Variants in CNTNAP2 observed in about 807,000 individuals in gnomAD.
The protein encoded by CNTNAP2 is contactin associated protein 2.
A neutral mutation model predicts 155.2 loss-of-function variants in CNTNAP2; 98 were observed. The ratio of observed to expected loss-of-function variants is 0.63; its 90% CI spans 0.54 to 0.75. The LOEUF (loss-of-function observed/expected upper bound fraction) is 0.75. CNTNAP2 is among the 30% of genes least tolerant of loss of function. The pLI is 0.00. For missense variants in CNTNAP2, 1,727 were observed against 1,688.1 expected, an observed-to-expected ratio of 1.02 and a Z score of -0.40; for synonymous variants, 651 against 631.2, an observed-to-expected ratio of 1.03 and a Z score of -0.47.
chr7:148,273,390 A>G (rs1020927401), intron 21 of CNTNAP2, among the ~76,000 whole-genome samples: 2 of 152,232 alleles, frequency 1.3e-5, no homozygotes, highest in Non-Finnish European at 2.9e-5. Context: ...ATGAATTTAG[A>G]AGAATATCAA....
At chr7:146,389,104 A>G (rs1164520040) in intron 1 of CNTNAP2, among the ~76,000 whole-genome samples, 1 of 152,176 alleles carries the variant, frequency 6.6e-6, no homozygotes, top group Non-Finnish European at 1.5e-5. Context: ...TGGTGAAATA[A>G]CAGTGTCTTT....
chr7:146,460,032 A>T lies in CNTNAP2; in HGVS notation c.98-314239A>T, dbSNP rs1207610043. On this transcript the variant is annotated intron_variant, in intron 1 of 23. Transcript: ENST00000361727. ...GCTACTGGATGCTTGTGAGAGGCAG[A>T]ACAGAGGAAGTTTAACAACAAAATG... Among the ~76,000 whole-genome samples, 3 of 152,252 alleles carry T rather than the reference A, an allele frequency of 2.0e-5. No individual in the cohort carries two copies. The East Asian group carries it at 5.8e-4, about 29-fold the overall frequency.
intron 1 of CNTNAP2, among the ~76,000 whole-genome samples, chr7:146,336,896 A>G (rs1801286567): frequency 6.6e-6 from 1 of 152,170 alleles, no homozygotes. Context: ...CAATACAGGG[A>G]TTGGAAACAG....
At chr7:146,168,755 C>T (rs1798348501) in intron 1 of CNTNAP2, among the ~76,000 whole-genome samples, 2 of 152,164 alleles carry the variant, frequency 1.3e-5, no homozygotes, top group African/African-American at 2.4e-5. Flanking sequence ...CAATGGTTTA[C>T]CAGCTTCTAG....
In CNTNAP2 at chr7:147,106,841, G is replaced by A. The variant is rs536488410; in HGVS notation, c.551-1306G>A. On this transcript the variant is annotated intron_variant, in intron 4 of 23. Transcript: ENST00000361727. Reference sequence around the variant, plus strand: ...TGGCCCCCAAAGGAATTTATTTGGTGGTATGCTCCACTTACAAGGCAAACC... The same window carrying A: ...TGGCCCCCAAAGGAATTTATTTGGTAGTATGCTCCACTTACAAGGCAAACC... Among the ~76,000 whole-genome samples, 10 of 152,244 alleles carry A rather than the reference G, an allele frequency of 6.6e-5. No homozygotes were observed. The South Asian group carries it at 1.9e-3, about 28-fold the overall frequency.
intron 13 of CNTNAP2, among the ~76,000 whole-genome samples, chr7:147,702,560 C>A (rs1429023407): frequency 6.6e-6 from 1 of 151,938 alleles, no homozygotes; most frequent in African/African-American, 2.4e-5. Flanking sequence ...AATGCGAGTT[C>A]TGTAACCTCT....
At chr7:147,981,986 A>G (rs1223506474) in intron 15 of CNTNAP2, among the ~76,000 whole-genome samples, 1 of 152,192 alleles carries the variant, frequency 6.6e-6, no homozygotes, top group Non-Finnish European at 1.5e-5. Flanking sequence ...AGAAAGAAAC[A>G]AAAGAACCAT....
intron 3 of CNTNAP2, among the ~76,000 whole-genome samples, chr7:146,911,211 C>G (rs1268390538): frequency 5.5e-4 from 83 of 152,120 alleles, no homozygotes; most frequent in Non-Finnish European, 9.3e-4. Flanking sequence ...GTTGGTGGGA[C>G]TGTAAACTAG....
chr7:147,102,457 T>G (rs1022426705), intron 4 of CNTNAP2, among the ~76,000 whole-genome samples: 1 of 152,092 alleles, frequency 6.6e-6, no homozygotes, highest in African/African-American at 2.4e-5. Context: ...TGGATTGGAA[T>G]CTAAATGGTA....
chr7:147,612,532 CT>C (rs1213240713), intron 12 of CNTNAP2, among the ~76,000 whole-genome samples: 8 of 151,538 alleles, frequency 5.3e-5, no homozygotes, highest in Non-Finnish European at 1.0e-4. Context: ...TCTTAAGTAG[CT>C]GGGATTACAG....
At chr7:147,301,010 C>T (rs540260740) in intron 9 of CNTNAP2, among the ~76,000 whole-genome samples, 3 of 152,128 alleles carry the variant, frequency 2.0e-5, no homozygotes, top group Non-Finnish European at 2.9e-5. Context: ...GCAGTGATAT[C>T]CCATCACTAC....
intron 22 of CNTNAP2, among the ~76,000 whole-genome samples, chr7:148,406,989 T>TC (rs1799716231): frequency 6.6e-6 from 1 of 151,918 alleles, no homozygotes; most frequent in African/African-American, 2.4e-5. Flanking sequence ...TAAAGAACTT[T>TC]ATTCTTTGTC....
chr7:148,157,118 C>T (rs1463975671), intron 17 of CNTNAP2, among the ~76,000 whole-genome samples: 2 of 152,344 alleles, frequency 1.3e-5, no homozygotes, highest in African/African-American at 2.4e-5. Flanking sequence ...AGGGTGCATA[C>T]TGAGTAAATG....
In CNTNAP2 at chr7:147,870,723, G is replaced by A. The variant is rs78034729; in HGVS notation, c.2099-32842G>A. Among the ~76,000 whole-genome samples, 1,481 of 152,116 alleles carry A rather than the reference G, an allele frequency of 9.7e-3. 11 individuals are homozygous for A. Among genetic ancestry groups the A allele is most frequent in the Non-Finnish European group, 0.016 (1,082 of 67,986 alleles). On this transcript the variant is annotated intron_variant, in intron 13 of 23. Transcript: ENST00000361727. ...CTTATATCAGAGATAGAACATCCAA[G>A]GCCAACAATACACTTCTTGTCCTTG...
At chr7:148,192,733 TG>T (rs1363986682) in intron 18 of CNTNAP2, among the ~76,000 whole-genome samples, 1 of 152,164 alleles carries the variant, frequency 6.6e-6, no homozygotes, top group Non-Finnish European at 1.5e-5. Context: ...TGCATCAGAA[TG>T]AGAGAGGAGG....
At chr7:146,815,084 T>C (rs1179204491) in intron 2 of CNTNAP2, among the ~76,000 whole-genome samples, 1 of 152,198 alleles carries the variant, frequency 6.6e-6, no homozygotes, top group Non-Finnish European at 1.5e-5. Context: ...TTTGATATCC[T>C]CTGAGAGCAT....
At chr7:146,388,892 G>T (rs1456673061) in intron 1 of CNTNAP2, among the ~76,000 whole-genome samples, 1 of 152,058 alleles carries the variant, frequency 6.6e-6, no homozygotes, top group African/African-American at 2.4e-5. Flanking sequence ...CTTGATTGTA[G>T]ATCTTGCTGT....
rs1271023016 is a variant in CNTNAP2 at position 148,186,983 on chromosome 7, T to C, written c.3010+14505T>C. 2.6e-5 allele frequency among the ~76,000 whole-genome samples: 4 copies of C among 152,274 alleles called. No individual in the cohort carries two copies. The East Asian group carries it at 7.7e-4, about 29-fold the overall frequency. On this transcript the variant is annotated intron_variant, in intron 18 of 23. Coordinates refer to ENST00000361727, the MANE Select transcript of CNTNAP2 (RefSeq NM_014141.6). ...CAGATAACACAGCTTGCCCTGTGTG[T>C]CCTCTTTCTATCTTATCACCCTGAT...
chr7:147,520,991 A>G (rs560653867), intron 11 of CNTNAP2, among the ~76,000 whole-genome samples: 27 of 152,348 alleles, frequency 1.8e-4, no homozygotes, highest in African/African-American at 6.5e-4. Context: ...AAGTAGTGAC[A>G]GTAAAATTAA....
Sources: allele counts gnomAD v4.1 joint callset (sites outside exome capture counted in the v4.1 genomes callset), GRCh38; gene constraint gnomAD v4.1.1; transcripts MANE v1.5; gene names NCBI Gene and HGNC (gene_info 2026-07-23, HGNC 2026-07-21).